CAMKMT: variants seen among roughly 807,000 people sequenced by gnomAD.
CAMKMT encodes calmodulin-lysine N-methyltransferase, also known as CaM KMT.
Under a neutral mutation model 48.0 loss-of-function variants are expected in CAMKMT, and 53 were observed. The observed-to-expected ratio is 1.10, with a 90% CI of 0.89 to 1.39. The LOEUF (loss-of-function observed/expected upper bound fraction) is 1.39. Ranked by LOEUF, CAMKMT falls within the 40% of genes most tolerant of loss-of-function variation. The pLI, the probability that CAMKMT is intolerant of heterozygous loss-of-function variation, is 0.00. For missense variants in CAMKMT, 428 were observed against 402.7 expected (o/e 1.06, Z -0.54); for synonymous variants, 165 against 152.3 (o/e 1.08, Z -0.61).
intron 7 of CAMKMT, among the ~76,000 whole-genome samples, chr2:44,717,332 C>T (rs538689370): frequency 3.3e-5 from 5 of 152,192 alleles, no homozygotes; most frequent in African/African-American, 1.2e-4. Context: ...TACTAAAGCA[C>T]TTTCTAGTGA....
intron 3 of CAMKMT, among the ~76,000 whole-genome samples, chr2:44,603,211 C>G (rs1671099725): frequency 6.6e-6 from 1 of 152,044 alleles, no homozygotes; most frequent in African/African-American, 2.4e-5. Context: ...GCCTCAGCCT[C>G]CTGAGTAGCT....
intron 3 of CAMKMT, among the ~76,000 whole-genome samples, chr2:44,686,379 C>T (rs563970543): frequency 4.9e-5 from 7 of 142,380 alleles, no homozygotes; most frequent in South Asian, 2.3e-4. Flanking sequence ...GGCAACAGAG[C>T]GAGACTCTGC....
chr2:44,614,928 T>C (rs984838042), intron 3 of CAMKMT, among the ~76,000 whole-genome samples: 4 of 136,806 alleles, frequency 2.9e-5, no homozygotes, highest in African/African-American at 1.1e-4. Flanking sequence ...AGCTCTTTGG[T>C]CTCCTTGCTT....
At chr2:44,568,119 G>A (rs987866661) in intron 3 of CAMKMT, among the ~76,000 whole-genome samples, 1 of 152,122 alleles carries the variant, frequency 6.6e-6, no homozygotes, top group Admixed American at 6.6e-5. Context: ...GCATAAATCT[G>A]AAGGATGCAC....
intron 3 of CAMKMT, among the ~76,000 whole-genome samples, chr2:44,593,866 C>T (rs371244854): frequency 8.7e-4 from 130 of 149,930 alleles, no homozygotes; most frequent in Middle Eastern, 6.9e-3. Context: ...CGGGTTCAAG[C>T]GATTCTCCTG....
Position 44,444,815 on chromosome 2 carries a change from A to G in CAMKMT, c.376+54510A>G, listed in dbSNP as rs142285847. On this transcript the variant is annotated intron_variant, in intron 3 of 10. Coordinates refer to ENST00000378494, the MANE Select transcript of CAMKMT (RefSeq NM_024766.5). The stretch of plus-strand genomic sequence containing the variant: ...AGCACCATGTACCCAAATCTTAGCA[A>G]GCATAACTATAGCTACCAGTTATCT... 1.7e-3 allele frequency among the ~76,000 whole-genome samples: 261 copies of G among 152,334 alleles called. 3 individuals are homozygous for G. Among genetic ancestry groups the G allele is most frequent in the African/African-American group, 6.0e-3 (250 of 41,588 alleles).
At chr2:44,380,925 G>A (rs937419926) in intron 2 of CAMKMT, among the ~76,000 whole-genome samples, 1 of 152,156 alleles carries the variant, frequency 6.6e-6, no homozygotes, top group South Asian at 2.1e-4. Flanking sequence ...ACTTTGGGAG[G>A]CTGAGGTGGG....
intron 3 of CAMKMT, among the ~76,000 whole-genome samples, chr2:44,478,440 T>A (rs1185192559): frequency 1.3e-5 from 2 of 152,232 alleles, no homozygotes; most frequent in Admixed American, 1.3e-4. Flanking sequence ...GCTACTTGAC[T>A]CTGACTGAAT....
At chr2:44,614,420 C>T (rs556483226) in intron 3 of CAMKMT, among the ~76,000 whole-genome samples, 7 of 152,124 alleles carry the variant, frequency 4.6e-5, no homozygotes, top group African/African-American at 7.2e-5. Context: ...TCATATTTGT[C>T]GAAGGCACAT....
chr2:44,457,259 A>G (rs770591831), intron 3 of CAMKMT: 4 of 152,186 alleles, frequency 2.6e-5, no homozygotes, highest in Non-Finnish European at 5.9e-5. Context: ...ATTTCTGTAT[A>G]CTTAAAAAAT....
chr2:44,453,425 A>G (rs1007262346), intron 3 of CAMKMT, among the ~76,000 whole-genome samples: 1 of 152,078 alleles, frequency 6.6e-6, no homozygotes, highest in Non-Finnish European at 1.5e-5. Flanking sequence ...AAGTAATCTA[A>G]ACATAATAAT....
chr2:44,545,364 C>G (rs1232416267), intron 3 of CAMKMT, among the ~76,000 whole-genome samples: 1 of 152,144 alleles, frequency 6.6e-6, no homozygotes, highest in Non-Finnish European at 1.5e-5. Context: ...GTATATCCAT[C>G]TTTTATTTAA....
chr2:44,612,356 A>G (rs1671646947), intron 3 of CAMKMT, among the ~76,000 whole-genome samples: 2 of 152,306 alleles, frequency 1.3e-5, no homozygotes. Flanking sequence ...CTCCCTGCCA[A>G]TCAATAAAGA....
At chr2:44,746,233 G>A (rs538053429) in intron 8 of CAMKMT, among the ~76,000 whole-genome samples, 3 of 152,180 alleles carry the variant, frequency 2.0e-5, no homozygotes, top group Non-Finnish European at 1.5e-5. Context: ...CAGCAAGGGT[G>A]GCATTGTCTG....
At chr2:44,554,009 A>G (rs1340448744) in intron 3 of CAMKMT, among the ~76,000 whole-genome samples, 2 of 152,218 alleles carry the variant, frequency 1.3e-5, no homozygotes, top group Non-Finnish European at 2.9e-5. Context: ...ATAAAGAAGT[A>G]TGGAGACTCT....
intron 3 of CAMKMT, chr2:44,550,655 A>C (rs937831433): frequency 3.3e-5 from 5 of 152,180 alleles, no homozygotes; most frequent in African/African-American, 1.2e-4. Flanking sequence ...TCAGTTACCA[A>C]GATCTATTGA....
intron 3 of CAMKMT, among the ~76,000 whole-genome samples, chr2:44,646,854 G>T: frequency 6.6e-6 from 1 of 152,126 alleles, no homozygotes; most frequent in Non-Finnish European, 1.5e-5. Context: ...GTTGTCTCTG[G>T]TTAGTAAACG....
At chr2:44,378,379 C>T (rs2616444) in intron 2 of CAMKMT, among the ~76,000 whole-genome samples, 104,966 of 151,922 alleles carry the variant, frequency 0.69, 36,846 homozygotes, top group South Asian at 0.78. Context: ...TTCCTAAAAC[C>T]CATGAGACTG....
chr2:44,362,159 T>A lies in CAMKMT; in HGVS notation c.138+14T>A, dbSNP rs775593878. 1.4e-6 allele frequency: 2 copies of A among 1,459,564 alleles called. No homozygotes were observed. The highest frequency in any genetic ancestry group is 1.4e-5 in the South Asian group (1 of 72,592). The allele number at this position is 1,459,564 out of a possible 1,614,324, so 90.4% of individuals were successfully genotyped here. On this transcript the variant is annotated intron_variant, in intron 1 of 10. Coordinates refer to ENST00000378494, the MANE Select transcript of CAMKMT (RefSeq NM_024766.5). ...CTCCTGCGGCAGGTAAGGGAGAACC[T>A]GCTCGCCTCACCTTTGCCTCTGGTC...
Sources: gnomAD v4.1 joint callset for allele counts (sites outside exome capture counted in the v4.1 genomes callset) on GRCh38, gnomAD v4.1.1 for gene constraint, MANE v1.5 for transcripts, NCBI Gene and HGNC (gene_info 2026-07-23, HGNC 2026-07-21) for gene names.